The following RANBP17 variants were observed in gnomAD, a reference collection of about 807,000 sequenced individuals.
The protein encoded by RANBP17 is ran-binding protein 17.
Under a neutral mutation model 141.2 loss-of-function variants are expected in RANBP17, and 158 were observed. The observed-to-expected ratio is 1.12, with a 90% CI of 0.98 to 1.28. The LOEUF is 1.28. Ranked by LOEUF, RANBP17 falls within the 50% of genes most tolerant of loss-of-function variation. RANBP17 has a pLI of 0.00. For synonymous variants in RANBP17, 430 were observed against 450.0 expected (o/e 0.96, Z 0.56); for missense variants, 1,438 against 1,290.7 (o/e 1.11, Z -1.75).
intron 14 of RANBP17, among the ~76,000 whole-genome samples, chr5:171,091,046 A>G (rs1311998840): frequency 6.6e-6 from 1 of 152,174 alleles, no homozygotes; most frequent in Non-Finnish European, 1.5e-5. Flanking sequence ...AGCTGTGAGA[A>G]GAGGGCCACC....
intron 14 of RANBP17, among the ~76,000 whole-genome samples, chr5:170,984,438 C>CT (rs1777982057): frequency 6.6e-6 from 1 of 152,000 alleles, no homozygotes; most frequent in Non-Finnish European, 1.5e-5. Flanking sequence ...CCAGCCTGTG[C>CT]AATATAGCGA....
intron 14 of RANBP17, among the ~76,000 whole-genome samples, chr5:171,064,153 C>T (rs568782964): frequency 2.0e-5 from 3 of 152,364 alleles, no homozygotes; most frequent in East Asian, 3.9e-4. Context: ...GGCTCACACA[C>T]GGTGCGCTGC....
intron 5 of RANBP17, chr5:170,903,720 G>A (rs992023620): frequency 2.6e-5 from 8 of 310,622 alleles, no homozygotes; most frequent in Non-Finnish European, 4.7e-5. Context: ...CATTAGCAAA[G>A]TCGACCTCAT....
chr5:171,209,696 C>T (rs1017973358), intron 20 of RANBP17, among the ~76,000 whole-genome samples: 2 of 152,160 alleles, frequency 1.3e-5, no homozygotes, highest in African/African-American at 4.8e-5. Context: ...TAGAAAGCTT[C>T]TCAAGAGAAG....
At chr5:171,092,144 A>G (rs575098834) in intron 14 of RANBP17, among the ~76,000 whole-genome samples, 9 of 152,336 alleles carry the variant, frequency 5.9e-5, no homozygotes, top group East Asian at 5.8e-4. Flanking sequence ...ATTGAAGTCA[A>G]TAGGAAAATG....
intron 14 of RANBP17, among the ~76,000 whole-genome samples, chr5:171,082,919 C>T (rs1319339369): frequency 6.7e-6 from 1 of 150,224 alleles, no homozygotes; most frequent in Non-Finnish European, 1.5e-5. Context: ...AATTTATTTA[C>T]TTCTTGTTTC....
chr5:170,865,483 C>T (rs115850488), intron 1 of RANBP17, among the ~76,000 whole-genome samples: 2 of 152,124 alleles, frequency 1.3e-5, no homozygotes, highest in South Asian at 2.1e-4. Context: ...GTTTTCAAAT[C>T]GAACCATGAC....
At chr5:170,870,390 C>G (rs1224316109) in intron 1 of RANBP17, among the ~76,000 whole-genome samples, 2 of 151,654 alleles carry the variant, frequency 1.3e-5, no homozygotes, top group Non-Finnish European at 2.9e-5. Flanking sequence ...CACAACAGGC[C>G]CCCTGTATGT....
intron 12 of RANBP17, among the ~76,000 whole-genome samples, chr5:170,928,026 C>A (rs749167814): frequency 6.6e-5 from 10 of 152,076 alleles, no homozygotes; most frequent in Non-Finnish European, 1.5e-4. Flanking sequence ...GCATCCCTGC[C>A]ATCATTTGCC....
At chr5:171,063,264 C>T (rs565235462) in intron 14 of RANBP17, among the ~76,000 whole-genome samples, 13 of 152,306 alleles carry the variant, frequency 8.5e-5, no homozygotes, top group African/African-American at 2.9e-4. Flanking sequence ...AGTTTTTCTG[C>T]TCTGTTTTTT....
rs144425680 is a variant in RANBP17, at chr5:170,911,045, A to T, written c.671A>T (p.Asn224Ile). Residue 224 changes from asparagine to isoleucine, a missense_variant, in exon 7 of 28, where the codon AAC becomes ATC. Physicochemically the swap from Asn to Ile is moderately radical, Grantham distance 149. Transcript: ENST00000523189. The stretch of plus-strand genomic sequence containing the variant: ...ATGCAGGTCTTGAAACTGGTCCTTA[A>T]CTGCCTTAACTTTGACTTCATTGGC... ...LVMQVLKLVL[N>I]CLNFDFIGSS... The T allele has an allele frequency of 1.7e-5, 28 of 1,612,130 alleles. No homozygotes were observed. Among genetic ancestry groups the T allele is most frequent in the South Asian group, 5.5e-5 (5 of 91,028 alleles).
rs192058643 is a variant in RANBP17, at chr5:171,292,236, C to G, written c.2944-1647C>G. ...AGAGACTGGACATACCATAAATATG[C>G]AATTGGCAGATTTCATTTGCAACCA... On this transcript the variant is annotated intron_variant, in intron 25 of 27. Transcript: ENST00000523189. Among the ~76,000 whole-genome samples the G allele has an allele frequency of 5.9e-5, 9 of 152,298 alleles. No homozygotes were observed. The East Asian group carries it at 1.7e-3, about 29-fold the overall frequency.
intron 18 of RANBP17, among the ~76,000 whole-genome samples, chr5:171,198,409 A>G (rs1489046948): frequency 6.6e-6 from 1 of 152,256 alleles, no homozygotes; most frequent in Non-Finnish European, 1.5e-5. Context: ...ATTGAAGGAA[A>G]GAGATAAATC....
intron 14 of RANBP17, among the ~76,000 whole-genome samples, chr5:171,068,260 A>G (rs192258266): frequency 1.2e-4 from 19 of 152,148 alleles, no homozygotes; most frequent in Middle Eastern, 6.8e-3. Flanking sequence ...GGTTAATTTT[A>G]TAACTTCTAT....
At chr5:171,196,178 C>G (rs74421649) in intron 18 of RANBP17, among the ~76,000 whole-genome samples, 14,060 of 152,076 alleles carry the variant, frequency 0.092, 1,050 homozygotes, top group African/African-American at 0.2. Flanking sequence ...AGTGATGTGG[C>G]GGGAGGGGAA....
At chr5:171,223,362 A>G (rs1038527251) in intron 22 of RANBP17, among the ~76,000 whole-genome samples, 1 of 152,146 alleles carries the variant, frequency 6.6e-6, no homozygotes, top group African/African-American at 2.4e-5. Flanking sequence ...GGCTGGGCAC[A>G]GTGGTTTATG....
intron 1 of RANBP17, among the ~76,000 whole-genome samples, chr5:170,872,001 G>A (rs1325639171): frequency 1.3e-5 from 2 of 152,072 alleles, no homozygotes; most frequent in East Asian, 3.8e-4. Flanking sequence ...TGGCTATGTG[G>A]GCTCTTTTTT....
chr5:171,206,778 G>T (rs1218484575), intron 20 of RANBP17: 1 of 178,906 alleles, frequency 5.6e-6, no homozygotes, highest in Non-Finnish European at 1.2e-5. Flanking sequence ...ATTTGATACT[G>T]ACATATCTTT....
intron 14 of RANBP17, among the ~76,000 whole-genome samples, chr5:171,099,250 G>A (rs1042370551): frequency 2.0e-5 from 3 of 152,148 alleles, no homozygotes; most frequent in African/African-American, 7.2e-5. Flanking sequence ...CCATGAGCAT[G>A]GGATGTTTTT....
Sources: gnomAD v4.1 joint callset for allele counts (sites outside exome capture counted in the v4.1 genomes callset) on GRCh38, gnomAD v4.1.1 for gene constraint, MANE v1.5 for transcripts, NCBI Gene and HGNC (gene_info 2026-07-23, HGNC 2026-07-21) for gene names.